The following DLL1 variants were observed in gnomAD, a reference collection of about 807,000 sequenced individuals.
The protein encoded by DLL1 is delta-like protein 1.
A neutral mutation model predicts 75.1 loss-of-function variants in DLL1; 9 were observed. The observed-to-expected ratio is 0.12, with a 90% confidence interval of 0.07 to 0.21. DLL1 has a LOEUF of 0.21. Ranked by LOEUF, DLL1 falls within the 10% of genes least tolerant of loss-of-function variation. DLL1 has a pLI of 1.00. For missense variants in DLL1, 837 were observed against 1,007.6 expected (o/e 0.83, Z 2.29); for synonymous variants, 477 against 418.3 (o/e 1.14, Z -1.71).
At chr6:170,288,639 A>C in intron 3 of DLL1, 90 bp downstream of exon 3, 2 of 1,608,958 alleles carry the variant, frequency 1.2e-6, no homozygotes, top group Non-Finnish European at 1.7e-6. Context: ...GCAGAATGAA[A>C]GCTGTCCGGG....
At chr6:170,288,887 G>A in intron 2 of DLL1, 98 bp from the exon 3 acceptor site, 1 of 1,358,358 alleles carries the variant, frequency 7.4e-7, no homozygotes, top group Non-Finnish European at 1.1e-6. Flanking sequence ...AGCAACAGAG[G>A]CCTGAAGGCT....
chr6:170,286,310 G>A lies in DLL1; in HGVS notation c.671-12C>T, dbSNP rs781448023. 4 of 1,614,176 alleles carry A rather than the reference G, an allele frequency of 2.5e-6. No homozygotes were observed. The highest frequency in any genetic ancestry group is 3.4e-6 in the Non-Finnish European group (4 of 1,180,044). On this transcript the variant is annotated splice_polypyrimidine_tract_variant and intron_variant, in intron 4 of 10. Coordinates refer to ENST00000366756, the MANE Select transcript of DLL1 (RefSeq NM_005618.4). Reference sequence around the variant, plus strand: ...AGGCAGGCAGATCGCTACAAGCAAAGGAAAAACAGGGTCAAGCCCCACGCC... The same window carrying A: ...AGGCAGGCAGATCGCTACAAGCAAAAGAAAAACAGGGTCAAGCCCCACGCC...
Position 170,282,847 on chromosome 6 carries a change from C to T in DLL1, c.*27G>A, listed in dbSNP as rs371028197. On this transcript the variant is annotated 3_prime_UTR_variant, in exon 11 of 11. Transcript: ENST00000366756. ...GGAATTTTACTTATTTTAAGAGAAA[C>T]GGGAGTCTTGCCATCTCACTTCCAT... 7.5e-5 allele frequency: 121 copies of T among 1,614,062 alleles called. 2 individuals are homozygous for T. Among genetic ancestry groups the T allele is most frequent in the South Asian group, 4.5e-4 (41 of 91,078 alleles).
chr6:170,288,199 C>A, intron 4 of DLL1, 40 bp downstream of exon 4: 12 of 1,613,372 alleles, frequency 7.4e-6, no homozygotes, highest in Non-Finnish European at 9.3e-6. Context: ...GGTCCGTGTT[C>A]GTGGACGAGT....
rs1783846525 is a variant in DLL1 at position 170,290,840 on chromosome 6, G to A, written c.-701C>T. ...CGCAGGACCGGAGGGGCCGGGCCGT[G>A]GGAGGAGGCTCTGCGCCGCGGCTGC... On this transcript the variant is annotated 5_prime_UTR_variant, in exon 1 of 11. Coordinates refer to ENST00000366756, the MANE Select transcript of DLL1 (RefSeq NM_005618.4). The surrounding 1 kb of genome is among the most constrained non-coding windows in gnomAD (Gnocchi z 4.7). 1 of 634,822 alleles carries A rather than the reference G, an allele frequency of 1.6e-6. No individual in the cohort carries two copies. Among genetic ancestry groups the A allele is most frequent in the Middle Eastern group, 4.1e-4 (1 of 2,440 alleles). The allele number at this position is 634,822 out of a possible 1,614,324, so 39.3% of individuals were successfully genotyped here. A position where few individuals can be genotyped will look rare whatever the true frequency, so the allele number is the denominator to read the frequency against.
chr6:170,287,319 G>C (rs1177541081), intron 4 of DLL1, among the ~76,000 whole-genome samples: 1 of 152,154 alleles, frequency 6.6e-6, no homozygotes, highest in African/African-American at 2.4e-5. Flanking sequence ...CCTCTCCAAG[G>C]TTGTCCAGTT....
In DLL1 at chr6:170,283,284, G is replaced by A. The variant is rs1159254422; in HGVS notation, c.1995C>T (p.Cys665=). 11 of 1,613,024 alleles carry A rather than the reference G, an allele frequency of 6.8e-6. No individual in the cohort carries two copies. In the East Asian group the frequency reaches 1.3e-4, roughly 20 times the overall value. ...CCTCCCCTGAGGAGCCCTGGGGCTG[G>A]CACTTGGTGTCACGCTTGCTGTGCG... ...RDAHSKRDTK[C]QPQGSSGEEK... is the part of the protein sequence containing the mutation. The change falls in exon 9 of 11, where the codon TGC becomes TGT. Residue 665 remains cysteine, a synonymous_variant. Transcript: ENST00000366756.
intron 4 of DLL1, among the ~76,000 whole-genome samples, chr6:170,287,245 A>G (rs1423424780): frequency 1.3e-5 from 2 of 152,176 alleles, no homozygotes; most frequent in Non-Finnish European, 2.9e-5. Context: ...AGTGAATGGG[A>G]AGACCCACCC....
intron 6 of DLL1, 42 bp from the exon 7 acceptor site, chr6:170,285,465 C>T (rs765291940): frequency 2.9e-5 from 47 of 1,613,944 alleles, no homozygotes; most frequent in African/African-American, 5.3e-5. Context: ...ATAGGAAGCT[C>T]GACATCAAAT....
rs770066953 is a variant in DLL1, at chr6:170,290,059, C to T, written c.54+27G>A. ...CGGCTACCCGTGAGACCCCGCGGGG[C>T]CGCGGCGCCCCCACCTGCCCGCCTA... On this transcript the variant is annotated intron_variant, in intron 1 of 10. Transcript: ENST00000366756. The surrounding 1 kb of genome is among the most constrained non-coding windows in gnomAD (Gnocchi z 4.7). 14 of 1,568,568 alleles carry T rather than the reference C, an allele frequency of 8.9e-6. No individual in the cohort carries two copies. In the South Asian group the frequency reaches 1.6e-4, roughly 18 times the overall value.
Position 170,290,579 on chromosome 6 carries a change from G to T in DLL1, c.-440C>A, listed in dbSNP as rs941756835. The stretch of plus-strand genomic sequence containing the variant: ...GAGCTGCAGAGCTTCCTCCCGAGCC[G>T]ATTAGAAAGCCGCGGTCTGGAAATC... On this transcript the variant is annotated 5_prime_UTR_variant, in exon 1 of 11. Transcript: ENST00000366756. The surrounding 1 kb of genome is among the most constrained non-coding windows in gnomAD (Gnocchi z 4.7). 8.7e-5 allele frequency: 21 copies of T among 242,034 alleles called. No individual in the cohort carries two copies. The highest frequency in any genetic ancestry group is 1.4e-4 in the Non-Finnish European group (18 of 129,142). 15.0% of individuals were successfully genotyped at this position (242,034 alleles called of 1,614,324 possible).
intron 2 of DLL1, chr6:170,289,198 A>C (rs985883166): frequency 1.6e-6 from 1 of 644,138 alleles, no homozygotes; most frequent in Admixed American, 2.3e-5. Flanking sequence ...GGGAAACCAG[A>C]ACCTTCCCAC....
chr6:170,285,631 G>T lies in DLL1; in HGVS notation c.800C>A (p.Thr267Asn). The T allele has an allele frequency of 6.2e-7, 1 of 1,614,008 alleles. No individual in the cohort carries two copies. The highest frequency in any genetic ancestry group is 1.6e-4 in the Middle Eastern group (1 of 6,062). ...CIRYPGCLHGTCQQPWQCNCQ... is the reference protein window; with the variant it reads ...CIRYPGCLHGNCQQPWQCNCQ... ...GTTGCACTGCCAGGGCTGCTGGCAG[G>T]TGCCATGGAGACAGCCTGGATAGCG... Residue 267 changes from threonine (T) to asparagine (N), a missense_variant, in exon 6 of 11, where the codon ACC (threonine) becomes AAC (asparagine). Thr to Asn is a moderately conservative substitution (Grantham distance 65, BLOSUM62 0). Coordinates refer to ENST00000366756, the MANE Select transcript of DLL1 (RefSeq NM_005618.4).
Position 170,283,254 on chromosome 6 carries a change from C to G in DLL1, c.2025G>C (p.Lys675Asn), listed in dbSNP as rs1783603712. The G allele has an allele frequency of 6.2e-7, 1 of 1,612,710 alleles. No homozygotes were observed. Among genetic ancestry groups the G allele is most frequent in the Admixed American group, 1.7e-5 (1 of 59,958 alleles). ...ACCCCCTGAGTGTGGTCGGGGTCCC[C>G]TTCTCCTCCCCTGAGGAGCCCTGGG... Reference protein sequence around the residue: ...CQPQGSSGEEKGTPTTLRGGE... With the variant: ...CQPQGSSGEENGTPTTLRGGE... The change falls in exon 9 of 11, where the codon AAG becomes AAC. Residue 675 changes from lysine to asparagine, a missense_variant. Lys to Asn is a moderately conservative substitution (Grantham distance 94, BLOSUM62 0). Transcript: ENST00000366756.
At chr6:170,287,916 T>A (rs968930960) in intron 4 of DLL1, among the ~76,000 whole-genome samples, 9 of 152,076 alleles carry the variant, frequency 5.9e-5, no homozygotes, top group Non-Finnish European at 2.9e-5. Flanking sequence ...CTTCCTCCTC[T>A]CCCTCTCTAA....
Position 170,285,059 on chromosome 6 carries a change from C to G in DLL1, c.1109G>C (p.Cys370Ser). The G allele has an allele frequency of 6.2e-7, 1 of 1,614,164 alleles. No individual in the cohort carries two copies. Among genetic ancestry groups the G allele is most frequent in the South Asian group, 1.1e-5 (1 of 91,082 alleles). The change falls in exon 8 of 11, where the codon TGT becomes TCT. Residue 370 changes from cysteine to serine, a missense_variant. Coordinates refer to ENST00000366756, the MANE Select transcript of DLL1 (RefSeq NM_005618.4). ...GKICELSAMT[C>S]ADGPCFNGGR... ...CCCGTTAAAGCAAGGGCCGTCCGCA[C>G]AGGTCATGGCACTCAATTCACAGAT...
At chr6:170,286,550 T>C (rs1488398569) in intron 4 of DLL1, among the ~76,000 whole-genome samples, 34 of 135,082 alleles carry the variant, frequency 2.5e-4, no homozygotes, top group African/African-American at 9.0e-4. Context: ...CCCCACCCTA[T>C]CCCCTTTTCT....
In DLL1 at chr6:170,284,935, A is replaced by G; in HGVS notation, c.1233T>C (p.Ser411=). The G allele has an allele frequency of 6.2e-7, 1 of 1,613,928 alleles. No homozygotes were observed. The change falls in exon 8 of 11, where the codon TCT becomes TCC. Residue 411 remains serine (S), a synonymous_variant. Coordinates refer to ENST00000366756, the MANE Select transcript of DLL1 (RefSeq NM_005618.4). ...NCEKKIDYCS[S]SPCSNGAKCV... is the part of the protein sequence containing the mutation. The stretch of plus-strand genomic sequence containing the variant: ...CCCCCTTACCATTAGAACAGGGTGA[A>G]GAGCTGCAGTAGTCAATTTTCTTCT...
chr6:170,282,901 G>T, intron 10 of DLL1, 22 bp from the exon 11 acceptor site: 1 of 1,614,208 alleles, frequency 6.2e-7, no homozygotes, highest in Non-Finnish European at 8.5e-7. Context: ...CAAGACAAAT[G>T]GGAAGTTAGC....
Sources: allele counts gnomAD v4.1 joint callset (sites outside exome capture counted in the v4.1 genomes callset), GRCh38; gene constraint gnomAD v4.1.1; non-coding constraint Gnocchi (gnomAD v3.1); transcripts MANE v1.5; gene names NCBI Gene and HGNC (gene_info 2026-07-23, HGNC 2026-07-21).